The following FNDC3B variants were observed in gnomAD, a reference collection of about 807,000 sequenced individuals.
The protein encoded by FNDC3B is fibronectin type III domain-containing protein 3B.
In FNDC3B, 12 loss-of-function variants were observed where a neutral mutation model predicts 151.5. The observed-to-expected ratio is 0.08, with a 90% CI of 0.05 to 0.13. The LOEUF is 0.13. Ranked by LOEUF, FNDC3B falls within the 10% of genes least tolerant of loss-of-function variation. The probability of loss-of-function intolerance (pLI) is 1.00; values close to 1 mark genes in which losing one functional copy is unlikely to be tolerated. For missense variants in FNDC3B, 1,214 were observed against 1,505.3 expected, an observed-to-expected ratio of 0.81 and a Z score of 3.20; for synonymous variants, 528 against 549.0, an observed-to-expected ratio of 0.96 and a Z score of 0.54.
intron 1 of FNDC3B, among the ~76,000 whole-genome samples, chr3:172,064,632 G>A (rs1480280032): frequency 6.6e-6 from 1 of 152,232 alleles, no homozygotes; most frequent in Non-Finnish European, 1.5e-5. Context: ...TCTTTGAAAT[G>A]TAGGAAGTCC....
chr3:172,205,015 C>G (rs922675530), intron 3 of FNDC3B, among the ~76,000 whole-genome samples: 5 of 152,168 alleles, frequency 3.3e-5, no homozygotes, highest in African/African-American at 1.2e-4. Context: ...GGACAGAATG[C>G]TTTTGTGAGT....
Position 172,352,495 on chromosome 3 carries a change from G to A in FNDC3B, c.2515-308G>A, listed in dbSNP as rs762223319. 9.2e-5 allele frequency among the ~76,000 whole-genome samples: 14 copies of A among 152,078 alleles called. No individual in the cohort carries two copies. The highest frequency in any genetic ancestry group is 1.5e-4 in the Non-Finnish European group (10 of 68,028). ...ACCTACCATTTAAGATCTACCACAGGGGGTTATTATGAAGATCGTGTAAGA... is the reference window on the plus strand; with the variant it reads ...ACCTACCATTTAAGATCTACCACAGAGGGTTATTATGAAGATCGTGTAAGA... On this transcript the variant is annotated intron_variant, in intron 21 of 25. Transcript: ENST00000415807. This position sits in a 1 kb window ranked among gnomAD's most constrained non-coding sequence, Gnocchi z 4.2.
chr3:172,367,660 G>A (rs1429346147), intron 23 of FNDC3B, among the ~76,000 whole-genome samples: 4 of 152,206 alleles, frequency 2.6e-5, no homozygotes, highest in Admixed American at 6.5e-5. Context: ...TAAATGAAAT[G>A]TTATGCTGCC....
chr3:172,318,743 A>G (rs1450388683), intron 11 of FNDC3B, among the ~76,000 whole-genome samples: 3 of 152,194 alleles, frequency 2.0e-5, no homozygotes, highest in Non-Finnish European at 2.9e-5. Context: ...CCAGGCCCAC[A>G]TGCACTTTGG....
intron 11 of FNDC3B, among the ~76,000 whole-genome samples, chr3:172,311,663 A>C (rs1335539798): frequency 6.6e-6 from 1 of 151,448 alleles, no homozygotes; most frequent in African/African-American, 2.4e-5. Context: ...TCAGGAGATC[A>C]AGACCATCCT....
intron 4 of FNDC3B, among the ~76,000 whole-genome samples, chr3:172,235,100 C>G (rs997770493): frequency 2.6e-5 from 4 of 151,878 alleles, no homozygotes; most frequent in East Asian, 1.9e-4. Context: ...CAAAACTGGT[C>G]AAATTTTTTT....
intron 11 of FNDC3B, among the ~76,000 whole-genome samples, chr3:172,314,149 A>G (rs1731661616): frequency 1.3e-5 from 2 of 152,138 alleles, no homozygotes; most frequent in Non-Finnish European, 2.9e-5. Flanking sequence ...GAAGGCAGTG[A>G]GGCAGGAGAA....
intron 23 of FNDC3B, among the ~76,000 whole-genome samples, chr3:172,367,275 ATT>A (rs3083932): frequency 0.5 from 75,805 of 151,158 alleles, 19,490 homozygotes; most frequent in Non-Finnish European, 0.57. Context: ...TCAATCATCG[ATT>A]TTTTTTTTTT....
chr3:172,289,411 G>A (rs1730201795), intron 7 of FNDC3B, among the ~76,000 whole-genome samples: 1 of 97,866 alleles, frequency 1.0e-5, no homozygotes, highest in Admixed American at 8.4e-5. Context: ...AGTCCCTTTT[G>A]CCATATAAGG....
intron 1 of FNDC3B, among the ~76,000 whole-genome samples, chr3:172,094,657 C>G (rs904305059): frequency 6.6e-6 from 1 of 151,992 alleles, no homozygotes; most frequent in Non-Finnish European, 1.5e-5. Flanking sequence ...AAACAAGCAC[C>G]CCGCTTAATT....
intron 9 of FNDC3B, among the ~76,000 whole-genome samples, chr3:172,304,218 C>T (rs1228508875): frequency 1.3e-5 from 2 of 152,212 alleles, no homozygotes; most frequent in Non-Finnish European, 2.9e-5. Flanking sequence ...AAAGAATTTA[C>T]TGAGACCAAA....
At chr3:172,315,127 A>T (rs1320854654) in intron 11 of FNDC3B, among the ~76,000 whole-genome samples, 2 of 152,212 alleles carry the variant, frequency 1.3e-5, no homozygotes, top group Non-Finnish European at 2.9e-5. Flanking sequence ...CTGTAATCCT[A>T]GCACTTTGGG....
intron 3 of FNDC3B, among the ~76,000 whole-genome samples, chr3:172,200,069 C>A (rs1196089702): frequency 6.6e-6 from 1 of 152,080 alleles, no homozygotes; most frequent in Non-Finnish European, 1.5e-5. Context: ...GTTGCGGGGG[C>A]CAGAGCCTAT....
chr3:172,360,373 G>A (rs931383114), intron 22 of FNDC3B, among the ~76,000 whole-genome samples: 18 of 152,074 alleles, frequency 1.2e-4, no homozygotes, highest in East Asian at 5.8e-4. Context: ...ATGTAATATT[G>A]GCACATACAT....
chr3:172,336,439 G>C (rs1732971067), intron 15 of FNDC3B, among the ~76,000 whole-genome samples: 1 of 152,092 alleles, frequency 6.6e-6, no homozygotes, highest in African/African-American at 2.4e-5. Flanking sequence ...CTGGTGCACT[G>C]GTTCTCATTG....
intron 25 of FNDC3B, among the ~76,000 whole-genome samples, chr3:172,384,348 G>A (rs765608734): frequency 6.6e-6 from 1 of 151,992 alleles, no homozygotes; most frequent in African/African-American, 2.4e-5. Context: ...CATTTTATAC[G>A]ATATATTCCA....
At chr3:172,055,936 A>G (rs1716890915) in intron 1 of FNDC3B, among the ~76,000 whole-genome samples, 1 of 151,894 alleles carries the variant, frequency 6.6e-6, no homozygotes, top group Admixed American at 6.6e-5. Flanking sequence ...GCCCGCCACC[A>G]CGCCCGGCTA....
intron 23 of FNDC3B, among the ~76,000 whole-genome samples, chr3:172,365,065 T>C (rs760076857): frequency 4.6e-5 from 7 of 152,234 alleles, no homozygotes; most frequent in Non-Finnish European, 1.0e-4. Flanking sequence ...TGAACTCTTG[T>C]AGTGAGTGGC....
chr3:172,173,484 C>T (rs1041656789), intron 3 of FNDC3B, among the ~76,000 whole-genome samples: 12 of 151,838 alleles, frequency 7.9e-5, no homozygotes, highest in Non-Finnish European at 1.6e-4. Flanking sequence ...CTGTATGACT[C>T]ACGTTGGAAA....
Sources: allele counts gnomAD v4.1 joint callset (sites outside exome capture counted in the v4.1 genomes callset), GRCh38; gene constraint gnomAD v4.1.1; non-coding constraint Gnocchi (gnomAD v3.1); transcripts MANE v1.5; gene names NCBI Gene and HGNC (gene_info 2026-07-23, HGNC 2026-07-21).